Variants in OCA2 observed in about 807,000 individuals in gnomAD.
OCA2 encodes the protein P protein.
OCA2 carries 77 observed loss-of-function variants against 100.2 expected under a neutral mutation model. That is an observed-to-expected ratio of 0.77 (90% confidence interval 0.64 to 0.93). OCA2 has a LOEUF of 0.93. Among genes scored for constraint, OCA2 ranks in the 40% least tolerant of loss-of-function variants. OCA2 has a pLI of 0.00. For missense variants in OCA2, 1,062 were observed against 1,089.1 expected, an observed-to-expected ratio of 0.98 and a Z score of 0.35; for synonymous variants, 432 against 439.2, an observed-to-expected ratio of 0.98 and a Z score of 0.21.
chr15:27,765,948 C>T lies in OCA2; in HGVS notation c.2433-10476G>A, dbSNP rs1052235014. Reference sequence around the variant, plus strand: ...CTTGTGCCAACCTCCTAACTCATCCCGTGAATTAGAATGCCTACCTTCCTG... The same window carrying T: ...CTTGTGCCAACCTCCTAACTCATCCTGTGAATTAGAATGCCTACCTTCCTG... On this transcript the variant is annotated intron_variant, in intron 23 of 23. Transcript: ENST00000354638. 3.3e-5 allele frequency among the ~76,000 whole-genome samples: 5 copies of T among 152,152 alleles called. No individual in the cohort carries two copies. The East Asian group carries it at 5.8e-4, about 18-fold the overall frequency.
In OCA2 at chr15:27,872,410, G is replaced by A. The variant is rs16950479; in HGVS notation, c.2080-488C>T. 5.2e-3 allele frequency among the ~76,000 whole-genome samples: 797 copies of A among 152,298 alleles called. 9 individuals are homozygous for A. Among genetic ancestry groups the A allele is most frequent in the African/African-American group, 0.018 (743 of 41,562 alleles). ...ACATGTAACTATTTTCACAGTACTA[G>A]GCAGATTCAGAAAACTGTACTCAGG... is the stretch of plus-strand genomic sequence containing the variant. On this transcript the variant is annotated intron_variant, in intron 19 of 23. Coordinates refer to ENST00000354638, the MANE Select transcript of OCA2 (RefSeq NM_000275.3).
At chr15:27,861,769 T>C (rs1427843667) in intron 21 of OCA2, among the ~76,000 whole-genome samples, 1 of 152,040 alleles carries the variant, frequency 6.6e-6, no homozygotes, top group Non-Finnish European at 1.5e-5. Flanking sequence ...CAGACTCCCT[T>C]TCGAAGTGTC....
intron 1 of OCA2, among the ~76,000 whole-genome samples, chr15:28,089,209 T>C (rs2044830861): frequency 1.3e-5 from 2 of 152,242 alleles, no homozygotes; most frequent in Non-Finnish European, 2.9e-5. Context: ...TGTTATCCTG[T>C]TCTTTTTTCA....
intron 5 of OCA2, among the ~76,000 whole-genome samples, chr15:28,023,897 G>C (rs1217042829): frequency 3.3e-5 from 5 of 152,008 alleles, no homozygotes; most frequent in Non-Finnish European, 7.4e-5. Context: ...CAGGCACAGG[G>C]GACCATACAC....
At chr15:28,098,968 G>A (rs953019080) in intron 1 of OCA2, 2 of 152,744 alleles carry the variant, frequency 1.3e-5, no homozygotes, top group African/African-American at 2.4e-5. Context: ...TGGCCCACCA[G>A]GGGGCGACTT....
chr15:27,764,609 C>T (rs1278855692), intron 23 of OCA2, among the ~76,000 whole-genome samples: 1 of 152,164 alleles, frequency 6.6e-6, no homozygotes, highest in East Asian at 1.9e-4. Context: ...TTGCTGTCTA[C>T]GGCCACCCCA....
intron 23 of OCA2, among the ~76,000 whole-genome samples, chr15:27,833,977 A>C (rs1378687634): frequency 6.6e-6 from 1 of 152,158 alleles, no homozygotes; most frequent in African/African-American, 2.4e-5. Flanking sequence ...CATTCCTAGC[A>C]CAGAGCTCCT....
chr15:28,055,825 G>A (rs542295788), intron 2 of OCA2, among the ~76,000 whole-genome samples: 1 of 152,304 alleles, frequency 6.6e-6, no homozygotes, highest in African/African-American at 2.4e-5. Flanking sequence ...CGGTGCAGCA[G>A]GACAGAAGAA....
At chr15:27,749,826 A>C in the OCA2 span, among the ~76,000 whole-genome samples, 1 of 152,228 alleles carries the variant, frequency 6.6e-6, no homozygotes, top group Non-Finnish European at 1.5e-5. Flanking sequence ...TGATGAAAGA[A>C]ACCAAAAGAG....
At chr15:27,992,800 G>A (rs930479142) in intron 9 of OCA2, among the ~76,000 whole-genome samples, 2 of 152,128 alleles carry the variant, frequency 1.3e-5, no homozygotes, top group African/African-American at 2.4e-5. Context: ...GGCTAACTTT[G>A]TCTGGACGGA....
intron 23 of OCA2, among the ~76,000 whole-genome samples, chr15:27,795,357 C>T (rs1325909799): frequency 1.3e-5 from 2 of 152,202 alleles, no homozygotes; most frequent in East Asian, 1.9e-4. Flanking sequence ...TTTCAGCCAT[C>T]GAAAGCTCCT....
At chr15:27,864,363 T>A (rs1022554316) in intron 21 of OCA2, among the ~76,000 whole-genome samples, 14 of 152,208 alleles carry the variant, frequency 9.2e-5, no homozygotes, top group Non-Finnish European at 1.9e-4. Flanking sequence ...CTGGGTTTGA[T>A]CCTCCACATA....
chr15:28,033,797 T>TCCCAC (rs2042974742), intron 2 of OCA2, among the ~76,000 whole-genome samples: 1 of 152,184 alleles, frequency 6.6e-6, no homozygotes, highest in Non-Finnish European at 1.5e-5. Flanking sequence ...GTTGAGATCC[T>TCCCAC]CCCACCCCTG....
intron 2 of OCA2, among the ~76,000 whole-genome samples, chr15:28,059,862 G>A (rs2141652574): frequency 6.6e-6 from 1 of 152,294 alleles, no homozygotes; most frequent in South Asian, 2.1e-4. Context: ...AGCATGTGAA[G>A]TCAATTAGTA....
intron 3 of OCA2, among the ~76,000 whole-genome samples, chr15:28,028,780 G>T (rs1234917045): frequency 6.6e-6 from 1 of 152,154 alleles, no homozygotes; most frequent in African/African-American, 2.4e-5. Flanking sequence ...CTGTCTCCCA[G>T]GTTCAAGCGA....
chr15:27,835,283 A>G (rs1022541776), intron 23 of OCA2, among the ~76,000 whole-genome samples: 1 of 152,200 alleles, frequency 6.6e-6, no homozygotes, highest in Non-Finnish European at 1.5e-5. Context: ...CGCCAGCACT[A>G]ATATATTCCA....
intron 19 of OCA2, among the ~76,000 whole-genome samples, chr15:27,908,246 A>G (rs1457387421): frequency 1.3e-5 from 2 of 152,188 alleles, no homozygotes; most frequent in Non-Finnish European, 2.9e-5. Context: ...TTAGTACCAT[A>G]CACTCTATTA....
intron 14 of OCA2, among the ~76,000 whole-genome samples, chr15:27,973,685 A>G (rs1393936264): frequency 3.9e-5 from 6 of 152,198 alleles, no homozygotes; most frequent in Non-Finnish European, 7.3e-5. Context: ...TTGGTTCCAT[A>G]TGAATTTCAA....
chr15:27,949,913 T>A (rs1346552060), intron 18 of OCA2, among the ~76,000 whole-genome samples: 2 of 152,116 alleles, frequency 1.3e-5, no homozygotes, highest in African/African-American at 2.4e-5. Flanking sequence ...GATCCCCAGA[T>A]AAAATCACCT....
Sources: allele counts gnomAD v4.1 joint callset (sites outside exome capture counted in the v4.1 genomes callset), GRCh38; gene constraint gnomAD v4.1.1; transcripts MANE v1.5; gene names NCBI Gene and HGNC (gene_info 2026-07-23, HGNC 2026-07-21).